The following SNX24 variants were observed in gnomAD, a reference collection of about 807,000 sequenced individuals.
The protein encoded by SNX24 is sorting nexin 24.
In SNX24, 22 loss-of-function variants were observed where a neutral mutation model predicts 28.7. That is an observed-to-expected ratio of 0.77 (90% CI 0.55 to 1.10). The LOEUF (loss-of-function observed/expected upper bound fraction) is 1.10, where lower values mean the gene tolerates loss of function less well. Among genes scored for constraint, SNX24 ranks in the 50% least tolerant of loss-of-function variants. The probability of loss-of-function intolerance (pLI) is 0.00; values close to 1 mark genes in which losing one functional copy is unlikely to be tolerated. For synonymous variants in SNX24, 69 were observed against 71.5 expected, an observed-to-expected ratio of 0.96 and a Z score of 0.18; for missense variants, 221 against 201.1, an observed-to-expected ratio of 1.10 and a Z score of -0.60.
chr5:122,999,793 G>T, intron 3 of SNX24, 119 bp from the exon 4 acceptor site: 1 of 719,202 alleles, frequency 1.4e-6, no homozygotes, highest in Non-Finnish European at 2.5e-6. Context: ...CATCTTGACT[G>T]TGAGGAATGT....
downstream of SNX24, chr5:123,009,217 G>T (rs1762511123): frequency 4.1e-6 from 4 of 984,674 alleles, no homozygotes; most frequent in Non-Finnish European, 4.8e-6. Context: ...ATTTGAGTTT[G>T]TCTTCTCCTA....
chr5:122,955,930 AG>A (rs1167622899), intron 3 of SNX24, among the ~76,000 whole-genome samples: 1 of 152,082 alleles, frequency 6.6e-6, no homozygotes, highest in Non-Finnish European at 1.5e-5. Flanking sequence ...CCATGAGTAG[AG>A]GTGAGGGCCA....
chr5:122,945,597 A>C (rs961990934), intron 2 of SNX24, among the ~76,000 whole-genome samples: 2 of 152,226 alleles, frequency 1.3e-5, no homozygotes, highest in Non-Finnish European at 2.9e-5. Context: ...GATGTGGTCT[A>C]GTTAATGGCA....
At chr5:122,898,746 A>G (rs1757311664) in intron 1 of SNX24, among the ~76,000 whole-genome samples, 1 of 152,238 alleles carries the variant, frequency 6.6e-6, no homozygotes, top group South Asian at 2.1e-4. Context: ...TTTTCTACCC[A>G]GAGTTTCTAT....
At chr5:122,903,319 C>T (rs1010427399) in intron 1 of SNX24, among the ~76,000 whole-genome samples, 13 of 152,056 alleles carry the variant, frequency 8.5e-5, no homozygotes, top group African/African-American at 2.7e-4. Flanking sequence ...CCATGTTGCC[C>T]AAGCTGGTCT....
intron 1 of SNX24, among the ~76,000 whole-genome samples, chr5:122,917,611 G>A (rs150171517): frequency 6.6e-6 from 1 of 152,284 alleles, no homozygotes; most frequent in African/African-American, 2.4e-5. Flanking sequence ...TCAAACCACG[G>A]TGGTGGTGAT....
intron 1 of SNX24, among the ~76,000 whole-genome samples, chr5:122,884,256 T>C (rs1446919528): frequency 9.8e-5 from 14 of 143,012 alleles, no homozygotes; most frequent in Non-Finnish European, 2.0e-4. Flanking sequence ...TTTTTCTTTT[T>C]TTTTTTTTTT....
chr5:122,851,682 T>C lies in SNX24; in HGVS notation c.60+5989T>C, dbSNP rs968234882. ...ATATATAGGATCATAATGTGAAATA[T>C]TATTATGATCATTATTATTTTGAAG... On this transcript the variant is annotated intron_variant, in intron 1 of 6. Transcript: ENST00000261369. Among the ~76,000 whole-genome samples, 4 of 151,938 alleles carry C rather than the reference T, an allele frequency of 2.6e-5. No individual in the cohort carries two copies. The South Asian group carries it at 8.3e-4, about 31-fold the overall frequency.
chr5:122,852,856 C>G (rs1483540052), intron 1 of SNX24, among the ~76,000 whole-genome samples: 2 of 152,132 alleles, frequency 1.3e-5, no homozygotes, highest in African/African-American at 4.8e-5. Context: ...ATCTCTGGAA[C>G]TGGGAATGGG....
intron 5 of SNX24, chr5:123,022,918 C>G (rs572955116): frequency 6.6e-6 from 1 of 152,624 alleles, no homozygotes; most frequent in African/African-American, 2.4e-5. Context: ...ATCCTCCCAC[C>G]TCAGCCTCCT....
At chr5:122,997,436 G>C (rs1282655991) in intron 3 of SNX24, among the ~76,000 whole-genome samples, 1 of 152,158 alleles carries the variant, frequency 6.6e-6, no homozygotes. Flanking sequence ...CATCTGTTTG[G>C]AGAACTCTGT....
At chr5:123,014,200 A>T (rs1295968573), downstream of SNX24, among the ~76,000 whole-genome samples, 3 of 152,032 alleles carry the variant, frequency 2.0e-5, no homozygotes, top group Non-Finnish European at 4.4e-5. Context: ...GGGGTCTCCC[A>T]CTGTTGCCCA....
chr5:122,954,266 G>A (rs1760102778), intron 3 of SNX24, among the ~76,000 whole-genome samples: 1 of 151,568 alleles, frequency 6.6e-6, no homozygotes, highest in African/African-American at 2.4e-5. Flanking sequence ...GTTTATTAAT[G>A]TTTATATTTT....
At chr5:122,992,096 C>T (rs556038758) in intron 3 of SNX24, among the ~76,000 whole-genome samples, 11 of 152,160 alleles carry the variant, frequency 7.2e-5, no homozygotes, top group African/African-American at 1.2e-4. Context: ...GAATGAATGA[C>T]GCTGAAATGA....
intron 3 of SNX24, among the ~76,000 whole-genome samples, chr5:122,957,230 A>G (rs1166585779): frequency 1.3e-5 from 2 of 152,184 alleles, no homozygotes; most frequent in East Asian, 1.9e-4. Context: ...ATTCTTTTGC[A>G]TGTGGACATC....
chr5:123,026,693 G>A (rs1350447204), intron 5 of SNX24, among the ~76,000 whole-genome samples: 2 of 152,224 alleles, frequency 1.3e-5, no homozygotes, highest in Non-Finnish European at 2.9e-5. Flanking sequence ...GGAGCACCCA[G>A]TGGTCAACCT....
intron 1 of SNX24, among the ~76,000 whole-genome samples, chr5:122,920,679 C>G: frequency 6.6e-6 from 1 of 152,160 alleles, no homozygotes; most frequent in East Asian, 1.9e-4. Context: ...AGCCATAGAG[C>G]TGAAAAGTGA....
intron 3 of SNX24, among the ~76,000 whole-genome samples, chr5:122,954,527 T>G (rs565482294): frequency 5.9e-5 from 9 of 152,136 alleles, no homozygotes; most frequent in Non-Finnish European, 1.0e-4. Flanking sequence ...TTTTTTTTCT[T>G]TCTATTGTTC....
intron 1 of SNX24, among the ~76,000 whole-genome samples, chr5:122,867,906 ATTG>A (rs2150048854): frequency 1.3e-5 from 2 of 152,292 alleles, no homozygotes; most frequent in South Asian, 4.1e-4. Flanking sequence ...CAGCCCCTGA[ATTG>A]TTGTGTAATC....
Sources: allele counts gnomAD v4.1 joint callset (sites outside exome capture counted in the v4.1 genomes callset), GRCh38; gene constraint gnomAD v4.1.1; transcripts MANE v1.5; gene names NCBI Gene and HGNC (gene_info 2026-07-23, HGNC 2026-07-21).